PCDHA6: variants seen among roughly 807,000 people sequenced by gnomAD.
The protein encoded by PCDHA6 is protocadherin alpha 6, also known as protocadherin alpha-6.
In PCDHA6, 55 loss-of-function variants were observed where a neutral mutation model predicts 60.3. The ratio of observed to expected loss-of-function variants is 0.91; its 90% CI spans 0.73 to 1.14. The LOEUF is 1.14. Ranked by LOEUF, PCDHA6 falls within the 50% of genes most tolerant of loss-of-function variation. PCDHA6 has a pLI of 0.00. For synonymous variants in PCDHA6, 652 were observed against 557.9 expected (o/e 1.17, Z -2.38); for missense variants, 1,327 against 1,256.5 (o/e 1.06, Z -0.85).
rs148283153 is a variant in PCDHA6, at chr5:140,857,227, G to C, written c.2394+26742G>C. On this transcript the variant is annotated intron_variant, in intron 1 of 3. Transcript: ENST00000529310. ...CCTGCTCTCTGACGCCTCACGTTCCGTTCAAGCTGGTGTCCACCTACAAGA... is the reference window on the plus strand; with the variant it reads ...CCTGCTCTCTGACGCCTCACGTTCCCTTCAAGCTGGTGTCCACCTACAAGA... 3.1e-6 allele frequency: 5 copies of C among 1,598,446 alleles called. 1 individual carries two copies. Among genetic ancestry groups the C allele is most frequent in the South Asian group, 1.1e-5 (1 of 90,546 alleles).
chr5:140,959,493 A>C (rs533403086), intron 1 of PCDHA6, among the ~76,000 whole-genome samples: 3 of 152,280 alleles, frequency 2.0e-5, no homozygotes, highest in South Asian at 2.1e-4. Context: ...TTATATATGG[A>C]TCAAACTAAA....
At chr5:141,005,930 G>C (rs1179599253) in intron 3 of PCDHA6, among the ~76,000 whole-genome samples, 1 of 151,958 alleles carries the variant, frequency 6.6e-6, no homozygotes, top group African/African-American at 2.4e-5. Context: ...CTGGTTGACA[G>C]AGTGAGAACC....
intron 1 of PCDHA6, among the ~76,000 whole-genome samples, chr5:140,911,205 A>G (rs1554194650): frequency 6.6e-6 from 1 of 152,162 alleles, no homozygotes; most frequent in African/African-American, 2.4e-5. Flanking sequence ...TGTTGCCACT[A>G]CTGGGGATGA....
intron 1 of PCDHA6, among the ~76,000 whole-genome samples, chr5:140,918,164 G>T (rs1156404209): frequency 6.6e-6 from 1 of 152,088 alleles, no homozygotes; most frequent in East Asian, 1.9e-4. Context: ...TATTGTAAAT[G>T]GCATTGTGTT....
intron 1 of PCDHA6, chr5:140,841,234 C>A: frequency 6.8e-7 from 1 of 1,471,288 alleles, no homozygotes. Context: ...ACGGGAGATG[C>A]AGCGGAATTG....
chr5:140,941,245 TTCTTTCTTTCTC>T (rs2092955664), intron 1 of PCDHA6, among the ~76,000 whole-genome samples: 1 of 140,868 alleles, frequency 7.1e-6, no homozygotes, highest in African/African-American at 2.6e-5. Flanking sequence ...CTTTCTTTCT[TTCTTTCTTTCTC>T]TTTCTTTCTT....
At chr5:140,931,260 T>G (rs576177407) in intron 1 of PCDHA6, among the ~76,000 whole-genome samples, 1 of 152,156 alleles carries the variant, frequency 6.6e-6, no homozygotes, top group South Asian at 2.1e-4. Context: ...GAAATTTCAC[T>G]ATTTATTTCT....
chr5:140,995,206 G>A (rs1179914547), intron 3 of PCDHA6, among the ~76,000 whole-genome samples: 2 of 151,988 alleles, frequency 1.3e-5, no homozygotes, highest in African/African-American at 2.4e-5. Context: ...TATAAATTAG[G>A]CACAATACTC....
rs1769609355 is a variant in PCDHA6, at chr5:140,828,207, C to T, written c.116C>T (p.Ala39Val). ...GQLHYSVPEE[A>V]KHGTFVGRIA... is the part of the protein sequence containing the mutation. ...CTCCACTACTCCGTACCCGAGGAGG[C>T]CAAACACGGCACCTTCGTGGGCCGG... The change falls in exon 1 of 4, where the codon GCC becomes GTC. Residue 39 changes from alanine to valine, a missense_variant. Ala to Val is a moderately conservative substitution (Grantham distance 64, BLOSUM62 0). Coordinates refer to ENST00000529310, the MANE Select transcript of PCDHA6 (RefSeq NM_018909.4). The T allele has an allele frequency of 2.5e-6, 4 of 1,614,008 alleles. No homozygotes were observed. The highest frequency in any genetic ancestry group is 3.4e-6 in the Non-Finnish European group (4 of 1,180,042).
rs2150160654 is a variant in PCDHA6 at position 140,828,910 on chromosome 5, G to A, written c.819G>A (p.Ala273=). The change falls in exon 1 of 4, where the codon GCG becomes GCA. Residue 273 remains alanine (A), a synonymous_variant. Coordinates refer to ENST00000529310, the MANE Select transcript of PCDHA6 (RefSeq NM_018909.4). ...RLNASDRDEG[A]NGAISYSFNS... ...ATGCTTCTGATCGGGATGAAGGAGCGAATGGGGCAATTTCATATTCTTTTA... is the reference window on the plus strand; with the variant it reads ...ATGCTTCTGATCGGGATGAAGGAGCAAATGGGGCAATTTCATATTCTTTTA... 1 of 1,613,410 alleles carries A rather than the reference G, an allele frequency of 6.2e-7. No homozygotes were observed. The highest frequency in any genetic ancestry group is 8.5e-7 in the Non-Finnish European group (1 of 1,179,802).
intron 1 of PCDHA6, among the ~76,000 whole-genome samples, chr5:140,965,088 G>A (rs1390840466): frequency 4.6e-5 from 7 of 152,196 alleles, no homozygotes; most frequent in Non-Finnish European, 8.8e-5. Context: ...CTTTGTTCCA[G>A]TCCATAGCTA....
At chr5:140,880,281 C>T (rs2058294062) in intron 1 of PCDHA6, among the ~76,000 whole-genome samples, 2 of 152,074 alleles carry the variant, frequency 1.3e-5, no homozygotes. Flanking sequence ...AGAAGTTTGA[C>T]TATCTTCATA....
At chr5:140,977,831 T>C (rs987042342) in intron 1 of PCDHA6, among the ~76,000 whole-genome samples, 3 of 152,240 alleles carry the variant, frequency 2.0e-5, no homozygotes, top group Admixed American at 1.3e-4. Flanking sequence ...AATGGTCTAT[T>C]GATATTACTA....
At chr5:140,902,938 C>T (rs2069876653) in intron 1 of PCDHA6, among the ~76,000 whole-genome samples, 1 of 152,186 alleles carries the variant, frequency 6.6e-6, no homozygotes. Flanking sequence ...ATATATACCA[C>T]ATTTTCTTTA....
intron 3 of PCDHA6, among the ~76,000 whole-genome samples, chr5:140,983,787 A>G (rs1439684844): frequency 6.6e-6 from 1 of 152,234 alleles, no homozygotes; most frequent in Non-Finnish European, 1.5e-5. Flanking sequence ...ATAACAGATG[A>G]CAGAATGTGT....
rs17844334 is a variant in PCDHA6 at position 140,850,512 on chromosome 5, G to C, written c.2394+20027G>C. On this transcript the variant is annotated intron_variant, in intron 1 of 3. Transcript: ENST00000529310. ...TGTGCTGGTGTCGCTGGTGGAGAGCGGCCAGGCGCCAAAGTCATCGTCGCG... is the reference window on the plus strand; with the variant it reads ...TGTGCTGGTGTCGCTGGTGGAGAGCCGCCAGGCGCCAAAGTCATCGTCGCG... The C allele has an allele frequency of 2.1e-4, 342 of 1,598,262 alleles. 9 individuals carry two copies. The East Asian group carries it at 6.3e-3, about 30-fold the overall frequency.
chr5:140,982,354 A>G, intron 2 of PCDHA6, 121 bp from the exon 3 acceptor site: 2 of 1,512,522 alleles, frequency 1.3e-6, no homozygotes, highest in East Asian at 2.4e-5. Flanking sequence ...CAGTTCAAGC[A>G]TGAGCAGAAT....
chr5:140,851,183 C>A, intron 1 of PCDHA6: 2 of 1,240,836 alleles, frequency 1.6e-6, no homozygotes, highest in Non-Finnish European at 1.0e-6. Context: ...ACTTGAAAAC[C>A]AATTTAGTTG....
intron 1 of PCDHA6, 170 bp from the exon 2 acceptor site, chr5:140,978,779 C>T: frequency 2.1e-6 from 2 of 969,908 alleles, no homozygotes; most frequent in Non-Finnish European, 2.5e-6. Flanking sequence ...TAATTTTCTT[C>T]TAAAGTGCTA....
Sources: allele counts gnomAD v4.1 joint callset (sites outside exome capture counted in the v4.1 genomes callset), GRCh38; gene constraint gnomAD v4.1.1; transcripts MANE v1.5; gene names NCBI Gene and HGNC (gene_info 2026-07-23, HGNC 2026-07-21).